Variants in SHISA9 observed in about 807,000 individuals in gnomAD.
SHISA9 encodes shisa family member 9.
Under a neutral mutation model 38.0 loss-of-function variants are expected in SHISA9, and 13 were observed. That is an observed-to-expected ratio of 0.34 (90% confidence interval 0.22 to 0.54). The LOEUF (loss-of-function observed/expected upper bound fraction) is 0.54, where lower values mean the gene tolerates loss of function less well. Ranked by LOEUF, SHISA9 falls within the 20% of genes least tolerant of loss-of-function variation. The pLI, the probability that SHISA9 is intolerant of heterozygous loss-of-function variation, is 0.91. For synonymous variants in SHISA9, 275 were observed against 242.0 expected (o/e 1.14, Z -1.27); for missense variants, 538 against 575.8 (o/e 0.93, Z 0.67).
At chr16:13,407,992 A>G in the SHISA9 span, among the ~76,000 whole-genome samples, 2 of 152,122 alleles carry the variant, frequency 1.3e-5, no homozygotes, top group Non-Finnish European at 2.9e-5. Context: ...TTAACTCAAC[A>G]TGTGCACATG....
At chr16:13,495,650 T>C in the SHISA9 span, among the ~76,000 whole-genome samples, 1,111 of 152,054 alleles carry the variant, frequency 7.3e-3, 11 homozygotes, top group African/African-American at 0.024. Flanking sequence ...TGATTTTAAA[T>C]ATTTGGTGAA....
chr16:13,536,720 G>A, the SHISA9 span, among the ~76,000 whole-genome samples: 1 of 152,206 alleles, frequency 6.6e-6, no homozygotes, highest in South Asian at 2.1e-4. Flanking sequence ...CATGTACAAG[G>A]CACATAGAAT....
the SHISA9 span, among the ~76,000 whole-genome samples, chr16:13,464,310 A>G: frequency 6.6e-6 from 1 of 152,282 alleles, no homozygotes; most frequent in East Asian, 1.9e-4. Flanking sequence ...TTTGAGAATC[A>G]CACTTGGTCG....
intron 2 of SHISA9, among the ~76,000 whole-genome samples, chr16:13,045,861 C>T (rs1362752777): frequency 1.3e-5 from 2 of 152,192 alleles, no homozygotes; most frequent in East Asian, 3.9e-4. Context: ...GGCCACGTTA[C>T]TGCTATGAAT....
At chr16:13,436,562 T>G in the SHISA9 span, among the ~76,000 whole-genome samples, 1 of 152,260 alleles carries the variant, frequency 6.6e-6, no homozygotes, top group Admixed American at 6.5e-5. Context: ...GGGGCTGCTC[T>G]GCCTATGACG....
At chr16:13,556,227 C>T in the SHISA9 span, among the ~76,000 whole-genome samples, 749 of 152,220 alleles carry the variant, frequency 4.9e-3, 9 homozygotes, top group African/African-American at 0.017. Flanking sequence ...AGTGGTGACT[C>T]GGGTATTTTT....
rs1374785413 is a variant in SHISA9, at chr16:13,151,250, G to A, written c.692-52144G>A. Among the ~76,000 whole-genome samples the A allele has an allele frequency of 5.3e-5, 8 of 152,226 alleles. No homozygotes were observed. The East Asian group carries it at 1.5e-3, about 29-fold the overall frequency. ...GCCTCCTGAGGAGCTGGGATTTCAG[G>A]CGCCCGCCACCACACCTGGCTAATT... On this transcript the variant is annotated intron_variant, in intron 2 of 4. Transcript: ENST00000558583.
intron 2 of SHISA9, among the ~76,000 whole-genome samples, chr16:13,173,633 T>G (rs1299465312): frequency 6.6e-6 from 1 of 152,178 alleles, no homozygotes; most frequent in Non-Finnish European, 1.5e-5. Flanking sequence ...CAGGAGGCAG[T>G]GGGCAGGGAT....
intron 2 of SHISA9, among the ~76,000 whole-genome samples, chr16:13,046,510 G>A (rs921457520): frequency 1.3e-5 from 2 of 152,182 alleles, no homozygotes; most frequent in African/African-American, 4.8e-5. Flanking sequence ...TTGAGAAGGT[G>A]TGAATTGCCT....
At chr16:13,435,801 G>T in the SHISA9 span, among the ~76,000 whole-genome samples, 2 of 152,196 alleles carry the variant, frequency 1.3e-5, no homozygotes, top group African/African-American at 4.8e-5. Context: ...CATAGGGCTT[G>T]GGGGTACTTC....
At chr16:13,095,798 G>A (rs2073819515) in intron 2 of SHISA9, among the ~76,000 whole-genome samples, 1 of 152,220 alleles carries the variant, frequency 6.6e-6, no homozygotes, top group South Asian at 2.1e-4. Context: ...TATACAGCAA[G>A]GCAATCAACT....
chr16:13,386,802 T>G, the SHISA9 span, among the ~76,000 whole-genome samples: 35 of 152,238 alleles, frequency 2.3e-4, no homozygotes, highest in Admixed American at 2.3e-3. Flanking sequence ...ATTGTAATGT[T>G]TAATTACTTT....
At chr16:13,351,120 T>G in the SHISA9 span, among the ~76,000 whole-genome samples, 1 of 152,296 alleles carries the variant, frequency 6.6e-6, no homozygotes, top group Admixed American at 6.5e-5. Context: ...GTGAGGAAGC[T>G]GAGAAACAGA....
At chr16:12,979,943 C>A (rs1366048559) in intron 2 of SHISA9, among the ~76,000 whole-genome samples, 1 of 152,126 alleles carries the variant, frequency 6.6e-6, no homozygotes, top group Admixed American at 6.6e-5. Context: ...AATGTGCATT[C>A]AAATCTCCTG....
intron 3 of SHISA9, among the ~76,000 whole-genome samples, chr16:13,211,752 C>G (rs995435378): frequency 6.6e-6 from 1 of 152,222 alleles, no homozygotes; most frequent in African/African-American, 2.4e-5. Flanking sequence ...CTAATGGGAA[C>G]AGAGGTGACA....
the SHISA9 span, among the ~76,000 whole-genome samples, chr16:13,415,549 CCTATATAACCAACCTGCACA>C: frequency 6.6e-6 from 1 of 152,040 alleles, no homozygotes; most frequent in Non-Finnish European, 1.5e-5. Flanking sequence ...CATAAGTTTA[CCTATATAACCAACCTGCACA>C]CATACTCCTG....
chr16:13,444,618 T>C, the SHISA9 span, among the ~76,000 whole-genome samples: 1 of 152,140 alleles, frequency 6.6e-6, no homozygotes, highest in Non-Finnish European at 1.5e-5. Flanking sequence ...CCAAACTGTT[T>C]GTAGAGAGCT....
At chr16:13,219,206 G>A (rs2051199386) in intron 4 of SHISA9, among the ~76,000 whole-genome samples, 1 of 152,208 alleles carries the variant, frequency 6.6e-6, no homozygotes, top group Admixed American at 6.5e-5. Flanking sequence ...CATTTGACTA[G>A]TTTGGCCGTG....
rs1375490823 is a variant in SHISA9, at chr16:13,070,104, ACAT to A, written c.692-133287_692-133285del. Among the ~76,000 whole-genome samples the A allele has an allele frequency of 4.1e-5, 6 of 147,062 alleles. No individual in the cohort carries two copies. In the South Asian group the frequency reaches 1.1e-3, roughly 28 times the overall value. ...GGTTTTAGCTGTTTTTCCTTTAAAA[ACAT>A]CAACCCTTTAAAGTACGTGTGTGTG... On this transcript the variant is annotated intron_variant, in intron 2 of 4. Transcript: ENST00000558583.
Sources: gnomAD v4.1 joint callset for allele counts (sites outside exome capture counted in the v4.1 genomes callset) on GRCh38, gnomAD v4.1.1 for gene constraint, MANE v1.5 for transcripts, NCBI Gene and HGNC (gene_info 2026-07-23, HGNC 2026-07-21) for gene names.